KALRN: variants seen among roughly 807,000 people sequenced by gnomAD.
KALRN encodes the protein kalirin RhoGEF kinase, also known as kalirin.
KALRN carries 70 observed loss-of-function variants against 353.7 expected under a neutral mutation model. The observed-to-expected ratio is 0.20, with a 90% confidence interval of 0.16 to 0.24. The LOEUF (loss-of-function observed/expected upper bound fraction) is 0.24, where lower values mean the gene tolerates loss of function less well. KALRN is among the 10% of genes least tolerant of loss of function. The probability of loss-of-function intolerance (pLI) is 1.00; values close to 1 mark genes in which losing one functional copy is unlikely to be tolerated. For missense variants in KALRN, 2,791 were observed against 3,756.7 expected, an observed-to-expected ratio of 0.74 and a Z score of 6.72; for synonymous variants, 1,391 against 1,434.8, an observed-to-expected ratio of 0.97 and a Z score of 0.69.
At chr3:124,424,277 A>G (rs908642670) in intron 15 of KALRN, among the ~76,000 whole-genome samples, 12 of 152,104 alleles carry the variant, frequency 7.9e-5, no homozygotes, top group African/African-American at 2.9e-4. Context: ...TTTCTTGTCT[A>G]TAGCAGCTGC....
chr3:124,714,722 T>C (rs1388167153), intron 58 of KALRN, among the ~76,000 whole-genome samples: 1 of 152,112 alleles, frequency 6.6e-6, no homozygotes, highest in East Asian at 1.9e-4. Context: ...GTATAGTTTA[T>C]AGGGGGAAAA....
chr3:124,251,049 C>T (rs2071077076), intron 3 of KALRN, among the ~76,000 whole-genome samples: 1 of 152,198 alleles, frequency 6.6e-6, no homozygotes, highest in African/African-American at 2.4e-5. Flanking sequence ...CTAAGAGTAG[C>T]TCCTTCCAAA....
intron 43 of KALRN, among the ~76,000 whole-genome samples, chr3:124,660,698 G>GGAAA (rs954023944): frequency 8.7e-4 from 103 of 118,126 alleles, no homozygotes; most frequent in African/African-American, 3.6e-3. Context: ...AAAAAAAAAA[G>GGAAA]GAAAGAAAGA....
At chr3:124,438,799 A>G (rs914395428) in intron 17 of KALRN, 89 bp from the exon 18 acceptor site, 34 of 1,134,644 alleles carry the variant, frequency 3.0e-5, no homozygotes, top group Non-Finnish European at 4.0e-5. Context: ...GAAAAATGTC[A>G]TATGTGTAGG....
intron 1 of KALRN, among the ~76,000 whole-genome samples, chr3:124,205,255 C>A (rs66936733): frequency 6.6e-6 from 1 of 152,128 alleles, no homozygotes; most frequent in Non-Finnish European, 1.5e-5. Context: ...TGTTTAACAA[C>A]GAGCTGGCAA....
At chr3:124,525,935 G>A (rs532281750) in intron 33 of KALRN, among the ~76,000 whole-genome samples, 2 of 152,222 alleles carry the variant, frequency 1.3e-5, no homozygotes, top group East Asian at 3.9e-4. Flanking sequence ...GGGTGGGAGG[G>A]GGACAGGGTC....
At chr3:124,710,804 G>A (rs1310783597) in intron 57 of KALRN, among the ~76,000 whole-genome samples, 1 of 152,092 alleles carries the variant, frequency 6.6e-6, no homozygotes, top group Non-Finnish European at 1.5e-5. Flanking sequence ...AAATGGGGAT[G>A]AATTGTTTTT....
At chr3:124,430,172 G>A (rs80183818) in intron 15 of KALRN, among the ~76,000 whole-genome samples, 2,210 of 152,270 alleles carry the variant, frequency 0.015, 74 homozygotes, top group East Asian at 0.076. Flanking sequence ...ATACCATAAC[G>A]GTGGTACATA....
At chr3:124,714,840 AC>A (rs1409844428) in intron 58 of KALRN, among the ~76,000 whole-genome samples, 1 of 152,020 alleles carries the variant, frequency 6.6e-6, no homozygotes, top group East Asian at 1.9e-4. Context: ...ACATGGTGAA[AC>A]CCCATCTCTA....
intron 1 of KALRN, among the ~76,000 whole-genome samples, chr3:124,206,239 G>A (rs894401134): frequency 2.0e-5 from 3 of 152,192 alleles, no homozygotes; most frequent in African/African-American, 7.2e-5. Flanking sequence ...CTATTCAGTA[G>A]CTTTGCTCAT....
chr3:124,054,203 A>G (rs1239550129), intron 1 of KALRN, among the ~76,000 whole-genome samples: 1 of 151,984 alleles, frequency 6.6e-6, no homozygotes, highest in Non-Finnish European at 1.5e-5. Context: ...ATCCTCCTCT[A>G]TATCTTCCTT....
At chr3:124,209,663 T>G (rs1437158964) in intron 1 of KALRN, among the ~76,000 whole-genome samples, 1 of 152,138 alleles carries the variant, frequency 6.6e-6, no homozygotes, top group Non-Finnish European at 1.5e-5. Flanking sequence ...AGGGTAGAGA[T>G]AGGAAAATGC....
At chr3:124,685,212 G>C (rs2061506442) in intron 51 of KALRN, among the ~76,000 whole-genome samples, 1 of 152,048 alleles carries the variant, frequency 6.6e-6, no homozygotes, top group African/African-American at 2.4e-5. Flanking sequence ...TATCTGAAGG[G>C]TGTGGCTTGA....
At chr3:124,661,307 A>G (rs561312793) in intron 44 of KALRN, among the ~76,000 whole-genome samples, 27 of 152,362 alleles carry the variant, frequency 1.8e-4, no homozygotes, top group African/African-American at 6.3e-4. Flanking sequence ...ATGCAATTTT[A>G]TTCGTGAAGG....
intron 47 of KALRN, among the ~76,000 whole-genome samples, chr3:124,668,980 A>G (rs573925783): frequency 7.9e-5 from 12 of 152,380 alleles, no homozygotes; most frequent in Admixed American, 6.5e-4. Flanking sequence ...GTAAGTTGAA[A>G]CAAGAAGTTA....
At chr3:124,328,769 C>G (rs1301913591) in intron 7 of KALRN, among the ~76,000 whole-genome samples, 2 of 152,066 alleles carry the variant, frequency 1.3e-5, no homozygotes, top group Non-Finnish European at 2.9e-5. Flanking sequence ...GAGAAGTGCA[C>G]GTTTATTTCA....
At chr3:124,232,919 C>T (rs774162531) in intron 2 of KALRN, among the ~76,000 whole-genome samples, 1 of 151,836 alleles carries the variant, frequency 6.6e-6, no homozygotes, top group Admixed American at 6.6e-5. Flanking sequence ...GTTTCCTGAG[C>T]ATAGTGTCCA....
chr3:124,548,611 A>C (rs1323723666), intron 33 of KALRN, among the ~76,000 whole-genome samples: 1 of 152,168 alleles, frequency 6.6e-6, no homozygotes, highest in Non-Finnish European at 1.5e-5. Flanking sequence ...TAATAACAAC[A>C]GCCATTAAGT....
intron 33 of KALRN, among the ~76,000 whole-genome samples, 174 bp downstream of exon 33, chr3:124,496,587 G>A (rs557971090): frequency 3.3e-5 from 5 of 152,310 alleles, no homozygotes; most frequent in East Asian, 3.9e-4. Context: ...GTCCCAGCAC[G>A]AGATCTGGTC....
Sources: allele counts gnomAD v4.1 joint callset (sites outside exome capture counted in the v4.1 genomes callset), GRCh38; gene constraint gnomAD v4.1.1; transcripts MANE v1.5; gene names NCBI Gene and HGNC (gene_info 2026-07-23, HGNC 2026-07-21).